The following TASP1 variants were observed in gnomAD, a reference collection of about 807,000 sequenced individuals.
TASP1 encodes threonine aspartase 1.
TASP1 carries 16 observed loss-of-function variants against 56.6 expected under a neutral mutation model. The ratio of observed to expected loss-of-function variants is 0.28; its 90% confidence interval spans 0.19 to 0.43. The LOEUF (loss-of-function observed/expected upper bound fraction) is 0.43. Ranked by LOEUF, TASP1 falls within the 20% of genes least tolerant of loss-of-function variation. The pLI is 1.00. For synonymous variants in TASP1, 179 were observed against 184.2 expected (o/e 0.97, Z 0.23); for missense variants, 393 against 511.6 (o/e 0.77, Z 2.24).
chr20:13,526,590 T>C (rs1283880337), intron 10 of TASP1, among the ~76,000 whole-genome samples: 1 of 152,178 alleles, frequency 6.6e-6, no homozygotes, highest in African/African-American at 2.4e-5. Context: ...TTGACAATTA[T>C]AGTAGTATGG....
At chr20:13,615,260 G>A (rs948855388) in intron 4 of TASP1, among the ~76,000 whole-genome samples, 3 of 152,142 alleles carry the variant, frequency 2.0e-5, no homozygotes, top group Admixed American at 1.3e-4. Flanking sequence ...GTACATGTGT[G>A]TCATGAACTG....
intron 4 of TASP1, among the ~76,000 whole-genome samples, chr20:13,588,571 C>T (rs2047407092): frequency 2.0e-5 from 3 of 151,924 alleles, no homozygotes; most frequent in South Asian, 4.2e-4. Context: ...CTCACAATAA[C>T]ATCAAAAACA....
At chr20:13,190,558 C>G in the TASP1 span, among the ~76,000 whole-genome samples, 2 of 152,064 alleles carry the variant, frequency 1.3e-5, no homozygotes, top group Non-Finnish European at 2.9e-5. Context: ...AGACCGCTAT[C>G]TTCACCATAT....
At chr20:13,154,330 A>G in the TASP1 span, among the ~76,000 whole-genome samples, 75 of 152,224 alleles carry the variant, frequency 4.9e-4, no homozygotes, top group African/African-American at 1.8e-3. Flanking sequence ...AAGGGAACCA[A>G]AGGTGCTGAG....
At chr20:13,567,254 A>T (rs111861021) in intron 7 of TASP1, among the ~76,000 whole-genome samples, 12 of 151,810 alleles carry the variant, frequency 7.9e-5, no homozygotes, top group African/African-American at 2.9e-4. Context: ...AACAAAAGAC[A>T]GTGGAGCCTA....
the TASP1 span, among the ~76,000 whole-genome samples, chr20:13,224,841 CTTTTTT>C: frequency 1.9e-5 from 2 of 107,256 alleles, no homozygotes. Flanking sequence ...AGCTTTCTTT[CTTTTTT>C]TTTTTTTTTT....
chr20:13,497,713 T>C (rs953459767), intron 10 of TASP1, among the ~76,000 whole-genome samples: 7 of 152,142 alleles, frequency 4.6e-5, no homozygotes, highest in Non-Finnish European at 1.0e-4. Context: ...GCTGGAGGCA[T>C]CACACTATCT....
chr20:13,380,015 A>T, the TASP1 span, among the ~76,000 whole-genome samples: 1 of 152,148 alleles, frequency 6.6e-6, no homozygotes, highest in Non-Finnish European at 1.5e-5. Flanking sequence ...TTGGGTTAGA[A>T]CATGCTCCTT....
chr20:13,373,761 T>C, the TASP1 span, among the ~76,000 whole-genome samples: 45 of 152,206 alleles, frequency 3.0e-4, no homozygotes, highest in Admixed American at 2.9e-3. Flanking sequence ...TACTTGAGTT[T>C]ATTGAGCTTC....
chr20:13,249,649 G>A, the TASP1 span, among the ~76,000 whole-genome samples: 6 of 152,216 alleles, frequency 3.9e-5, no homozygotes, highest in South Asian at 4.2e-4. Flanking sequence ...GTGGAATGCT[G>A]CTGAATTGGC....
At chr20:13,223,166 AT>A in the TASP1 span, among the ~76,000 whole-genome samples, 7,788 of 144,078 alleles carry the variant, frequency 0.054, 360 homozygotes, top group East Asian at 0.15. Flanking sequence ...CAAAAAAAAA[AT>A]AAAATAAAAT....
At chr20:13,279,619 T>C in the TASP1 span, 2 of 1,607,676 alleles carry the variant, frequency 1.2e-6, no homozygotes, top group Non-Finnish European at 1.7e-6. Flanking sequence ...CCCCAGCCTG[T>C]TCTGAATTCT....
intron 13 of TASP1, among the ~76,000 whole-genome samples, chr20:13,403,206 CATTAACTT>C (rs1262128174): frequency 1.4e-5 from 2 of 146,128 alleles, no homozygotes; most frequent in African/African-American, 2.8e-5. Flanking sequence ...AACTTATTAA[CATTAACTT>C]ATTAACTTAT....
At chr20:13,553,207 AG>A (rs2046038965) in intron 8 of TASP1, among the ~76,000 whole-genome samples, 1 of 152,132 alleles carries the variant, frequency 6.6e-6, no homozygotes, top group South Asian at 2.1e-4. Flanking sequence ...GGCCTCCCAA[AG>A]CACTGGGATG....
chr20:13,500,080 T>C (rs2043888133), intron 10 of TASP1, among the ~76,000 whole-genome samples: 1 of 151,380 alleles, frequency 6.6e-6, no homozygotes, highest in South Asian at 2.1e-4. Context: ...ACCTCACTAT[T>C]ATGTGACATA....
At chr20:13,583,820 G>A (rs868372266) in intron 5 of TASP1, among the ~76,000 whole-genome samples, 21 of 152,144 alleles carry the variant, frequency 1.4e-4, no homozygotes, top group Middle Eastern at 3.2e-3. Context: ...GGTGGCTCAC[G>A]CCTGTAATCT....
In TASP1 at chr20:13,559,051, G is replaced by C. The variant is rs1281669778; in HGVS notation, c.632C>G (p.Thr211Arg). 11 of 1,596,730 alleles carry C rather than the reference G, an allele frequency of 6.9e-6. No individual in the cohort carries two copies. Among genetic ancestry groups the C allele is most frequent in the Non-Finnish European group, 8.5e-6 (10 of 1,170,774 alleles). ...RKLELAERVD[T>R]DFMQLKKRRQ... ...TCTTTTCTTTAGTTGCATAAAATCT[G>C]TGTCCACCCTTTCTGCCAGCTCTAG... The change falls in exon 8 of 14, where the codon ACA becomes AGA. Residue 211 changes from threonine (T) to arginine (R), a missense_variant. Around this residue, in one of 3 missense-constraint regions of TASP1, gnomAD observed 293 missense variants for 354.2 expected, o/e 0.83. Coordinates refer to ENST00000337743, the MANE Select transcript of TASP1 (RefSeq NM_017714.3).
chr20:13,198,778 T>G, the TASP1 span, among the ~76,000 whole-genome samples: 1 of 151,880 alleles, frequency 6.6e-6, no homozygotes, highest in Admixed American at 6.6e-5. Context: ...TCTTTTCTTT[T>G]TCTTTCTTTC....
chr20:13,410,309 T>C (rs1337800974), intron 13 of TASP1, among the ~76,000 whole-genome samples: 1 of 152,180 alleles, frequency 6.6e-6, no homozygotes, highest in Non-Finnish European at 1.5e-5. Flanking sequence ...AGGTATCCCT[T>C]TGATGTACTG....
Sources: gnomAD v4.1 joint callset for allele counts (sites outside exome capture counted in the v4.1 genomes callset) on GRCh38, gnomAD v4.1.1 for gene constraint, gnomAD v4.1.1 regional missense constraint, MANE v1.5 for transcripts, NCBI Gene and HGNC (gene_info 2026-07-23, HGNC 2026-07-21) for gene names.